The following LCORL variants were observed in gnomAD, a reference collection of about 807,000 sequenced individuals.
The protein encoded by LCORL is ligand-dependent nuclear receptor corepressor-like protein.
Under a neutral mutation model 141.8 loss-of-function variants are expected in LCORL, and 41 were observed. The ratio of observed to expected loss-of-function variants is 0.29; its 90% CI spans 0.23 to 0.38. The LOEUF (loss-of-function observed/expected upper bound fraction) is 0.38. Ranked by LOEUF, LCORL falls within the 10% of genes least tolerant of loss-of-function variation. The pLI is 1.00. For synonymous variants in LCORL, 618 were observed against 694.1 expected, an observed-to-expected ratio of 0.89 and a Z score of 1.72; for missense variants, 1,759 against 2,035.0, an observed-to-expected ratio of 0.86 and a Z score of 2.61.
intron 5 of LCORL, among the ~76,000 whole-genome samples, chr4:17,903,117 C>T (rs898187804): frequency 7.9e-5 from 12 of 151,970 alleles, no homozygotes; most frequent in Non-Finnish European, 1.5e-4. Context: ...TTATCTGTGG[C>T]GTCTGAGGAT....
intron 1 of LCORL, among the ~76,000 whole-genome samples, chr4:18,003,920 G>A (rs532419212): frequency 3.9e-4 from 60 of 152,286 alleles, no homozygotes; most frequent in African/African-American, 1.4e-3. Flanking sequence ...TCAAACCTGG[G>A]GGAGGGGTGC....
At chr4:18,016,492 T>C (rs1161593249) in intron 1 of LCORL, among the ~76,000 whole-genome samples, 1 of 152,080 alleles carries the variant, frequency 6.6e-6, no homozygotes, top group Admixed American at 6.5e-5. Flanking sequence ...TAATCAAGAG[T>C]TGGCTGGAGC....
chr4:17,899,178 TTTTTA>T (rs573016330), intron 5 of LCORL, among the ~76,000 whole-genome samples: 81 of 152,224 alleles, frequency 5.3e-4, no homozygotes, highest in Non-Finnish European at 8.5e-4. Flanking sequence ...AATCATTCAT[TTTTTA>T]TTTTATAAGG....
intron 4 of LCORL, among the ~76,000 whole-genome samples, chr4:17,936,813 A>C (rs1319606924): frequency 6.6e-6 from 1 of 152,070 alleles, no homozygotes; most frequent in South Asian, 2.1e-4. Context: ...ACAATAACTT[A>C]GTTTAATTAG....
intron 1 of LCORL, among the ~76,000 whole-genome samples, chr4:17,977,565 T>C (rs796539202): frequency 2.0e-5 from 3 of 152,244 alleles, no homozygotes; most frequent in African/African-American, 7.2e-5. Context: ...CAGATACCTC[T>C]GTTCAAATCA....
exon 8 of LCORL, chr4:17,843,516 C>T (rs1036968977): frequency 7.0e-7 from 1 of 1,424,088 alleles, no homozygotes; most frequent in Non-Finnish European, 9.6e-7. Context: ...CAGAACAAAC[C>T]TGATGTCTTT....
intron 5 of LCORL, among the ~76,000 whole-genome samples, chr4:17,898,498 T>C (rs1399504508): frequency 6.6e-6 from 1 of 152,140 alleles, no homozygotes; most frequent in Admixed American, 6.6e-5. Flanking sequence ...CTTCATCCCC[T>C]TCTTGGTAAC....
At chr4:17,877,215 T>A in exon 7 of LCORL, 9 of 1,230,348 alleles carry the variant, frequency 7.3e-6, no homozygotes, top group East Asian at 3.2e-5. Flanking sequence ...TACCTTTTTA[T>A]CATGTTGACT....
chr4:17,971,737 C>A (rs1419354673), intron 2 of LCORL, among the ~76,000 whole-genome samples: 1 of 151,542 alleles, frequency 6.6e-6, no homozygotes, highest in African/African-American at 2.4e-5. Flanking sequence ...TACTTTCAAT[C>A]TGATAGTAAA....
intron 1 of LCORL, among the ~76,000 whole-genome samples, chr4:18,017,185 T>C (rs1724767956): frequency 6.6e-6 from 1 of 152,088 alleles, no homozygotes; most frequent in Admixed American, 6.5e-5. Flanking sequence ...TAAAAATCCA[T>C]GAGTTCATAC....
intron 4 of LCORL, among the ~76,000 whole-genome samples, chr4:17,958,204 C>T (rs945252908): frequency 2.6e-5 from 4 of 151,474 alleles, no homozygotes; most frequent in Non-Finnish European, 5.9e-5. Flanking sequence ...TTTCAACTAA[C>T]GGCATCAAAT....
intron 7 of LCORL, among the ~76,000 whole-genome samples, chr4:17,870,649 A>C (rs138833949): frequency 6.6e-6 from 1 of 152,182 alleles, no homozygotes; most frequent in East Asian, 1.9e-4. Flanking sequence ...TAAGGCATAT[A>C]ATATCCCACT....
chr4:17,960,169 TA>T (rs1205865322), intron 4 of LCORL: 1 of 154,232 alleles, frequency 6.5e-6, no homozygotes, highest in Non-Finnish European at 1.5e-5. Context: ...GCAAAAACAC[TA>T]AGAAGAATCT....
At chr4:17,990,662 G>C (rs1291880397) in intron 1 of LCORL, among the ~76,000 whole-genome samples, 1 of 114,496 alleles carries the variant, frequency 8.7e-6, no homozygotes, top group Non-Finnish European at 1.7e-5. Context: ...TTTTTTTTTA[G>C]AGAATTCTTT....
chr4:17,990,642 G>GT (rs979642708), intron 1 of LCORL, among the ~76,000 whole-genome samples: 26,657 of 131,288 alleles, frequency 0.2, 3,215 homozygotes, highest in African/African-American at 0.34. Context: ...TCCCATCTTG[G>GT]TTTTTTTTTT....
At chr4:17,984,539 T>G (rs2109742224) in intron 1 of LCORL, among the ~76,000 whole-genome samples, 1 of 152,200 alleles carries the variant, frequency 6.6e-6, no homozygotes, top group South Asian at 2.1e-4. Flanking sequence ...CTTCTCTAGG[T>G]TTTCTAGTTT....
intron 1 of LCORL, among the ~76,000 whole-genome samples, chr4:17,991,757 C>T (rs775522830): frequency 6.6e-6 from 1 of 152,140 alleles, no homozygotes; most frequent in Non-Finnish European, 1.5e-5. Flanking sequence ...TCTTAGGGCA[C>T]AAGACCAGCC....
At chr4:17,966,753 T>C (rs1714964992) in intron 2 of LCORL, among the ~76,000 whole-genome samples, 1 of 152,200 alleles carries the variant, frequency 6.6e-6, no homozygotes. Flanking sequence ...ACTATATACC[T>C]GTTAGAATGG....
intron 4 of LCORL, among the ~76,000 whole-genome samples, chr4:17,929,255 T>C (rs1327438769): frequency 6.6e-6 from 1 of 152,222 alleles, no homozygotes; most frequent in East Asian, 1.9e-4. Flanking sequence ...TCCCAGTTGG[T>C]AGTTTTATAG....
Sources: allele counts gnomAD v4.1 joint callset (sites outside exome capture counted in the v4.1 genomes callset), GRCh38; gene constraint gnomAD v4.1.1; transcripts MANE v1.5; gene names NCBI Gene and HGNC (gene_info 2026-07-23, HGNC 2026-07-21).